Variants in SHISA6 observed in about 807,000 individuals in gnomAD.
The protein encoded by SHISA6 is protein shisa-6.
A neutral mutation model predicts 47.9 loss-of-function variants in SHISA6; 22 were observed. The observed-to-expected ratio is 0.46, with a 90% CI of 0.33 to 0.66. SHISA6 has a LOEUF of 0.66. Ranked by LOEUF, SHISA6 falls within the 30% of genes least tolerant of loss-of-function variation. The pLI is 0.02. For missense variants in SHISA6, 680 were observed against 764.6 expected (o/e 0.89, Z 1.30); for synonymous variants, 388 against 337.8 (o/e 1.15, Z -1.63).
At chr17:11,489,030 C>T (rs931718746) in intron 3 of SHISA6, among the ~76,000 whole-genome samples, 2 of 152,138 alleles carry the variant, frequency 1.3e-5, no homozygotes, top group African/African-American at 4.8e-5. Flanking sequence ...TAGTTTGGAG[C>T]CTCCTTGTCT....
chr17:11,320,549 T>C (rs1355655178), intron 2 of SHISA6, among the ~76,000 whole-genome samples: 1 of 152,034 alleles, frequency 6.6e-6, no homozygotes, highest in Non-Finnish European at 1.5e-5. Context: ...TCCCAGCTAC[T>C]CAGGAGGCTG....
chr17:11,535,290 C>T (rs1490742723), intron 3 of SHISA6, among the ~76,000 whole-genome samples: 1 of 152,140 alleles, frequency 6.6e-6, no homozygotes. Context: ...AAAAAGAGCA[C>T]TCATTGCCCA....
At chr17:11,307,779 T>C (rs1162226058) in intron 2 of SHISA6, among the ~76,000 whole-genome samples, 7 of 152,148 alleles carry the variant, frequency 4.6e-5, no homozygotes, top group African/African-American at 1.4e-4. Context: ...CTTCACATAA[T>C]GGTACATGCT....
At chr17:11,269,894 C>G (rs1386370502) in intron 2 of SHISA6, among the ~76,000 whole-genome samples, 2 of 152,198 alleles carry the variant, frequency 1.3e-5, no homozygotes, top group African/African-American at 4.8e-5. Flanking sequence ...AGTCTTCACT[C>G]TCCAATATAT....
chr17:11,516,842 CA>C (rs1394915803), intron 3 of SHISA6, among the ~76,000 whole-genome samples: 2 of 152,118 alleles, frequency 1.3e-5, no homozygotes, highest in African/African-American at 4.8e-5. Context: ...ATACTCATTC[CA>C]AATCTTCACA....
intron 3 of SHISA6, among the ~76,000 whole-genome samples, chr17:11,516,421 G>A (rs1238026702): frequency 6.6e-6 from 1 of 152,162 alleles, no homozygotes; most frequent in Non-Finnish European, 1.5e-5. Flanking sequence ...CTTCAACCTT[G>A]GTGAGCTCAT....
intron 2 of SHISA6, among the ~76,000 whole-genome samples, chr17:11,360,088 T>C (rs981343876): frequency 2.0e-5 from 3 of 152,352 alleles, no homozygotes; most frequent in Admixed American, 6.5e-5. Flanking sequence ...AGTGATAGAC[T>C]GGATCAAGAA....
intron 2 of SHISA6, among the ~76,000 whole-genome samples, chr17:11,376,744 G>A (rs1427774720): frequency 6.6e-6 from 1 of 152,184 alleles, no homozygotes; most frequent in African/African-American, 2.4e-5. Context: ...GCAGAAGACT[G>A]ACCTATCACT....
At chr17:11,252,446 C>A (rs1205997403) in intron 1 of SHISA6, among the ~76,000 whole-genome samples, 1 of 152,176 alleles carries the variant, frequency 6.6e-6, no homozygotes, top group African/African-American at 2.4e-5. Flanking sequence ...TTCCTTCGCC[C>A]TTGCTGTTTC....
intron 2 of SHISA6, among the ~76,000 whole-genome samples, chr17:11,269,611 G>A (rs894013080): frequency 2.6e-5 from 4 of 152,230 alleles, no homozygotes; most frequent in Admixed American, 6.5e-5. Context: ...CAGCTGAACT[G>A]GGAAACTTCT....
At chr17:11,285,718 A>G (rs1909271362) in intron 2 of SHISA6, among the ~76,000 whole-genome samples, 1 of 152,136 alleles carries the variant, frequency 6.6e-6, no homozygotes, top group African/African-American at 2.4e-5. Context: ...CAAGACACAG[A>G]TTAGCGTAGC....
intron 2 of SHISA6, among the ~76,000 whole-genome samples, chr17:11,283,918 G>A (rs1045935761): frequency 1.3e-5 from 2 of 152,148 alleles, no homozygotes; most frequent in Non-Finnish European, 2.9e-5. Flanking sequence ...TGTGCTTTGC[G>A]CTTCAGACTT....
intron 1 of SHISA6, among the ~76,000 whole-genome samples, chr17:11,246,291 C>G (rs184402828): frequency 6.6e-4 from 100 of 152,172 alleles, no homozygotes; most frequent in African/African-American, 1.8e-3. Flanking sequence ...GAGATTGAGA[C>G]CATCCTGGCT....
rs1025142508 is a variant in SHISA6 at position 11,305,128 on chromosome 17, C to T, written c.799+41602C>T. Reference sequence around the variant, plus strand: ...CACCTGCTGGTGGTGTGCCCTTGGGCGAGTTCTGGAACAACTTTTGTGCCT... The same window carrying T: ...CACCTGCTGGTGGTGTGCCCTTGGGTGAGTTCTGGAACAACTTTTGTGCCT... On this transcript the variant is annotated intron_variant, in intron 2 of 5. Coordinates refer to ENST00000441885, the MANE Select transcript of SHISA6 (RefSeq NM_207386.4). Among the ~76,000 whole-genome samples the T allele has an allele frequency of 5.3e-5, 8 of 152,234 alleles. No individual in the cohort carries two copies. In the South Asian group the frequency reaches 6.2e-4, roughly 12 times the overall value.
chr17:11,465,409 T>C lies in SHISA6; in HGVS notation c.895+85900T>C, dbSNP rs145072595. ...CTTGGAGGACATGAATTAGGCCACA[T>C]GAAGCATTTTTGTTTGAAATAGTGT... On this transcript the variant is annotated intron_variant, in intron 3 of 5. Transcript: ENST00000441885. Among the ~76,000 whole-genome samples, 342 of 152,306 alleles carry C rather than the reference T, an allele frequency of 2.2e-3. 3 individuals are homozygous for C. The highest frequency in any genetic ancestry group is 7.7e-3 in the African/African-American group (322 of 41,574).
At chr17:11,388,836 A>G (rs1203039987) in intron 3 of SHISA6, among the ~76,000 whole-genome samples, 1 of 117,384 alleles carries the variant, frequency 8.5e-6, no homozygotes, top group Non-Finnish European at 1.7e-5. Context: ...ATATATATAT[A>G]TATATTTTAA....
At chr17:11,379,635 G>T in intron 3 of SHISA6, 126 bp downstream of exon 3, 1 of 622,278 alleles carries the variant, frequency 1.6e-6, no homozygotes, top group Non-Finnish European at 2.7e-6. Flanking sequence ...TTCCATGGCA[G>T]CTTGTCCTGG....
intron 3 of SHISA6, among the ~76,000 whole-genome samples, chr17:11,518,319 T>G (rs893982494): frequency 6.6e-5 from 10 of 152,220 alleles, no homozygotes; most frequent in Non-Finnish European, 1.0e-4. Flanking sequence ...ACATTAGCTT[T>G]TACTATAATT....
chr17:11,407,648 T>C (rs567273011), intron 3 of SHISA6, among the ~76,000 whole-genome samples: 3 of 152,282 alleles, frequency 2.0e-5, no homozygotes, highest in African/African-American at 7.2e-5. Context: ...CGAGTTTTGC[T>C]TGCTTTTGGA....
Sources: allele counts gnomAD v4.1 joint callset (sites outside exome capture counted in the v4.1 genomes callset), GRCh38; gene constraint gnomAD v4.1.1; transcripts MANE v1.5; gene names NCBI Gene and HGNC (gene_info 2026-07-23, HGNC 2026-07-21).